The following FBXL17 variants were observed in gnomAD, a reference collection of about 807,000 sequenced individuals.
FBXL17 encodes F-box and leucine rich repeat protein 17.
A neutral mutation model predicts 66.2 loss-of-function variants in FBXL17; 22 were observed. The ratio of observed to expected loss-of-function variants is 0.33; its 90% confidence interval spans 0.24 to 0.47. The LOEUF (loss-of-function observed/expected upper bound fraction) is 0.47, where lower values mean the gene tolerates loss of function less well. FBXL17 is among the 20% of genes least tolerant of loss of function. FBXL17 has a pLI of 1.00. For missense variants in FBXL17, 878 were observed against 948.2 expected (o/e 0.93, Z 0.97); for synonymous variants, 474 against 400.5 (o/e 1.18, Z -2.19).
chr5:108,350,768 G>A (rs1304574632), intron 3 of FBXL17, among the ~76,000 whole-genome samples: 1 of 152,176 alleles, frequency 6.6e-6, no homozygotes, highest in Admixed American at 6.5e-5. Flanking sequence ...AATTAGAGAT[G>A]TTTTCAGACA....
intron 4 of FBXL17, among the ~76,000 whole-genome samples, chr5:108,226,033 T>C (rs1201911482): frequency 6.6e-6 from 1 of 152,150 alleles, no homozygotes; most frequent in Non-Finnish European, 1.5e-5. Flanking sequence ...TCAAAACTAA[T>C]TGCATGGCTC....
At chr5:108,201,338 G>A (rs555793631) in intron 5 of FBXL17, among the ~76,000 whole-genome samples, 1 of 152,252 alleles carries the variant, frequency 6.6e-6, no homozygotes, top group South Asian at 2.1e-4. Flanking sequence ...AAGTATGCAT[G>A]TAAATGAATA....
chr5:108,141,524 T>C lies in FBXL17; in HGVS notation c.1745+44593A>G, dbSNP rs142013200. ...AAGCCATTGTAGGACCTAAACAATA[T>C]CTTTTTCAATGAAAAGAAGGACATC... On this transcript the variant is annotated intron_variant, in intron 6 of 8. Coordinates refer to ENST00000542267, the MANE Select transcript of FBXL17 (RefSeq NM_001163315.3). Among the ~76,000 whole-genome samples the C allele has an allele frequency of 2.6e-5, 4 of 152,318 alleles. No homozygotes were observed. The East Asian group carries it at 5.8e-4, about 22-fold the overall frequency.
At chr5:108,193,477 T>C (rs748514832) in intron 5 of FBXL17, among the ~76,000 whole-genome samples, 5 of 152,158 alleles carry the variant, frequency 3.3e-5, no homozygotes, top group African/African-American at 7.2e-5. Context: ...AGAATTTCTG[T>C]TCCCAAGCCT....
At chr5:108,333,522 T>A (rs1026864035) in intron 4 of FBXL17, among the ~76,000 whole-genome samples, 3 of 152,144 alleles carry the variant, frequency 2.0e-5, no homozygotes, top group Non-Finnish European at 4.4e-5. Context: ...TGAACCTGAA[T>A]AAAATGTGGC....
chr5:108,002,816 A>C (rs930676998), intron 7 of FBXL17, among the ~76,000 whole-genome samples: 22 of 152,204 alleles, frequency 1.4e-4, no homozygotes, highest in Non-Finnish European at 2.9e-5. Context: ...TATGCAGAAG[A>C]CCACATCTTG....
intron 6 of FBXL17, among the ~76,000 whole-genome samples, chr5:108,131,503 C>T (rs1390490997): frequency 1.3e-5 from 2 of 152,022 alleles, no homozygotes; most frequent in Non-Finnish European, 2.9e-5. Context: ...AGAACCTACA[C>T]CTTAGAAGGA....
chr5:107,916,489 A>G (rs1254133135), intron 7 of FBXL17, among the ~76,000 whole-genome samples: 1 of 152,240 alleles, frequency 6.6e-6, no homozygotes, highest in Non-Finnish European at 1.5e-5. Context: ...GTCTCATGAG[A>G]TAAAAATGAA....
At chr5:107,874,356 T>C (rs1748549375) in intron 8 of FBXL17, among the ~76,000 whole-genome samples, 1 of 152,204 alleles carries the variant, frequency 6.6e-6, no homozygotes, top group African/African-American at 2.4e-5. Flanking sequence ...TGTGAATAAA[T>C]ATAATGATAA....
intron 6 of FBXL17, among the ~76,000 whole-genome samples, chr5:108,111,743 T>C (rs1346719170): frequency 6.6e-6 from 1 of 152,200 alleles, no homozygotes; most frequent in Non-Finnish European, 1.5e-5. Flanking sequence ...ACTTGATTCA[T>C]CTCTGTATTT....
intron 7 of FBXL17, among the ~76,000 whole-genome samples, chr5:107,938,252 C>G (rs1750974857): frequency 6.6e-6 from 1 of 151,092 alleles, no homozygotes; most frequent in Non-Finnish European, 1.5e-5. Flanking sequence ...CAGTGAAGTA[C>G]TGTTCAAAAT....
chr5:108,181,395 GAA>G (rs2150026841), intron 6 of FBXL17, among the ~76,000 whole-genome samples: 1 of 152,094 alleles, frequency 6.6e-6, no homozygotes, highest in South Asian at 2.1e-4. Flanking sequence ...TCATCCTTCT[GAA>G]TACAAGAAAA....
chr5:107,888,353 T>C (rs985064037), intron 7 of FBXL17, among the ~76,000 whole-genome samples: 3 of 152,198 alleles, frequency 2.0e-5, no homozygotes, highest in Admixed American at 6.5e-5. Context: ...TCATTTTTCA[T>C]AGTTTTAATT....
intron 1 of FBXL17, among the ~76,000 whole-genome samples, chr5:108,372,970 T>A (rs1749140431): frequency 1.3e-5 from 2 of 151,950 alleles, no homozygotes; most frequent in Non-Finnish European, 2.9e-5. Flanking sequence ...CTATATTGAT[T>A]GGCACAAAAT....
intron 6 of FBXL17, among the ~76,000 whole-genome samples, chr5:108,157,484 C>CA (rs1401864331): frequency 6.6e-6 from 1 of 151,258 alleles, no homozygotes; most frequent in African/African-American, 2.4e-5. Context: ...ACAAATAAAA[C>CA]TTTTTTATTT....
chr5:108,241,505 T>C (rs146347227), intron 4 of FBXL17, among the ~76,000 whole-genome samples: 1,810 of 151,286 alleles, frequency 0.012, 27 homozygotes, highest in African/African-American at 0.041. Context: ...ATCTAGAAAA[T>C]AGCCTCAAAA....
intron 7 of FBXL17, among the ~76,000 whole-genome samples, chr5:107,926,157 C>T (rs1291861164): frequency 6.6e-6 from 1 of 152,156 alleles, no homozygotes; most frequent in Non-Finnish European, 1.5e-5. Flanking sequence ...ACATATCAGG[C>T]ACTCACTAAA....
intron 4 of FBXL17, chr5:108,297,922 C>T: frequency 1.0e-6 from 1 of 966,830 alleles, no homozygotes. Flanking sequence ...CATATATCTT[C>T]AAAAATTTAC....
intron 7 of FBXL17, among the ~76,000 whole-genome samples, chr5:108,000,951 C>T (rs933587850): frequency 2.6e-5 from 4 of 152,174 alleles, no homozygotes; most frequent in African/African-American, 9.6e-5. Flanking sequence ...ATCCTAAGTG[C>T]TCATAGATGA....
Sources: allele counts gnomAD v4.1 joint callset (sites outside exome capture counted in the v4.1 genomes callset), GRCh38; gene constraint gnomAD v4.1.1; transcripts MANE v1.5; gene names NCBI Gene and HGNC (gene_info 2026-07-23, HGNC 2026-07-21).